The following ZDHHC21 variants were observed in gnomAD, a reference collection of about 807,000 sequenced individuals.
The protein encoded by ZDHHC21 is palmitoyltransferase ZDHHC21.
A neutral mutation model predicts 34.6 loss-of-function variants in ZDHHC21; 15 were observed. The observed-to-expected ratio is 0.43, with a 90% CI of 0.29 to 0.67. The LOEUF (loss-of-function observed/expected upper bound fraction) is 0.67. Ranked by LOEUF, ZDHHC21 falls within the 30% of genes least tolerant of loss-of-function variation. ZDHHC21 has a pLI of 0.14. For synonymous variants in ZDHHC21, 142 were observed against 101.8 expected (o/e 1.40, Z -2.38); for missense variants, 344 against 327.7 (o/e 1.05, Z -0.38).
Position 14,615,999 on chromosome 9 carries a change from T to C in ZDHHC21, c.*2967A>G, listed in dbSNP as rs1029670168. ...ACATAAGAAATTGTTACTAAAACTA[T>C]AGATATAACTCTGCGAAATGTAAAA... On this transcript the variant is annotated 3_prime_UTR_variant, in exon 10 of 10. Transcript: ENST00000380916. 1.3e-5 allele frequency: 2 copies of C among 151,536 alleles called. No individual in the cohort carries two copies. The highest frequency in any genetic ancestry group is 1.9e-4 in the East Asian group (1 of 5,166). 9.4% of individuals were successfully genotyped at this position (151,536 alleles called of 1,614,324 possible). A position where few individuals can be genotyped will look rare whatever the true frequency, so the allele number is the denominator to read the frequency against.
chr9:14,648,466 C>T (rs1030976270), intron 7 of ZDHHC21, among the ~76,000 whole-genome samples: 1 of 152,058 alleles, frequency 6.6e-6, no homozygotes, highest in Non-Finnish European at 1.5e-5. Flanking sequence ...ATTGCTCTGT[C>T]CCTAACTCAC....
intron 3 of ZDHHC21, 141 bp from the exon 4 acceptor site, chr9:14,674,526 A>T: frequency 2.0e-6 from 1 of 495,026 alleles, no homozygotes; most frequent in Non-Finnish European, 3.5e-6. Flanking sequence ...ATATTTATTG[A>T]TATTTCTTTG....
chr9:14,682,112 C>T (rs963128016), intron 2 of ZDHHC21, among the ~76,000 whole-genome samples: 1 of 152,128 alleles, frequency 6.6e-6, no homozygotes, highest in Non-Finnish European at 1.5e-5. Flanking sequence ...ACCACAGATG[C>T]TAGGAAGAAA....
At chr9:14,592,201 T>G in the ZDHHC21 span, among the ~76,000 whole-genome samples, 2 of 152,100 alleles carry the variant, frequency 1.3e-5, no homozygotes, top group African/African-American at 4.8e-5. Flanking sequence ...AAGCATATTT[T>G]ACTGGCTTAT....
intron 8 of ZDHHC21, among the ~76,000 whole-genome samples, chr9:14,632,429 C>A (rs1337069110): frequency 6.6e-6 from 1 of 151,892 alleles, no homozygotes; most frequent in African/African-American, 2.4e-5. Flanking sequence ...CTACTTCACA[C>A]AATGTACAAA....
At chr9:14,627,659 A>G (rs1159825073) in intron 8 of ZDHHC21, among the ~76,000 whole-genome samples, 1 of 152,182 alleles carries the variant, frequency 6.6e-6, no homozygotes, top group Non-Finnish European at 1.5e-5. Flanking sequence ...TAAAAATTAG[A>G]TAAACTGTCA....
intron 5 of ZDHHC21, among the ~76,000 whole-genome samples, chr9:14,671,460 T>C (rs893017539): frequency 2.0e-5 from 3 of 152,080 alleles, no homozygotes; most frequent in Non-Finnish European, 2.9e-5. Context: ...TGTCAGTAAG[T>C]CTCTCACAGA....
At chr9:14,648,148 C>A (rs1458898606) in intron 7 of ZDHHC21, among the ~76,000 whole-genome samples, 3 of 152,078 alleles carry the variant, frequency 2.0e-5, no homozygotes, top group Admixed American at 1.3e-4. Context: ...TATCTCACAG[C>A]CCACATTCAA....
chr9:14,607,075 C>T (rs1823035045), downstream of ZDHHC21, among the ~76,000 whole-genome samples: 2 of 94,444 alleles, frequency 2.1e-5, no homozygotes, highest in African/African-American at 9.9e-5. Flanking sequence ...AGCACTGTTA[C>T]TAATAGCAAA....
chr9:14,655,296 TC>T (rs35421808), intron 7 of ZDHHC21, among the ~76,000 whole-genome samples: 4,680 of 151,936 alleles, frequency 0.031, 237 homozygotes, highest in African/African-American at 0.11. Context: ...AATAAAAGCA[TC>T]TTCAGGGAAC....
intron 7 of ZDHHC21, among the ~76,000 whole-genome samples, chr9:14,658,527 G>A (rs1287894738): frequency 8.1e-6 from 1 of 123,118 alleles, no homozygotes; most frequent in Non-Finnish European, 1.6e-5. Flanking sequence ...TTGGAGTGCA[G>A]TGGCGCAATC....
chr9:14,643,614 T>C (rs367842024), intron 7 of ZDHHC21, among the ~76,000 whole-genome samples: 3 of 152,244 alleles, frequency 2.0e-5, no homozygotes, highest in Non-Finnish European at 4.4e-5. Flanking sequence ...GGCATTCTCC[T>C]ATATTATCTT....
At chr9:14,654,504 C>A (rs1312283567) in intron 7 of ZDHHC21, among the ~76,000 whole-genome samples, 1 of 151,634 alleles carries the variant, frequency 6.6e-6, no homozygotes. Context: ...GAAGACAGGG[C>A]CAAATATCTG....
chr9:14,656,446 G>C (rs138545603), intron 7 of ZDHHC21, among the ~76,000 whole-genome samples: 1 of 151,882 alleles, frequency 6.6e-6, no homozygotes, highest in Non-Finnish European at 1.5e-5. Context: ...TTCATTCATT[G>C]AGATAACATA....
At chr9:14,593,510 C>A in the ZDHHC21 span, 7 of 152,240 alleles carry the variant, frequency 4.6e-5, no homozygotes, top group Non-Finnish European at 8.8e-5. Flanking sequence ...ACACCCTACT[C>A]GGTGGTGGTG....
intron 3 of ZDHHC21, among the ~76,000 whole-genome samples, chr9:14,679,152 G>A (rs1172096433): frequency 6.6e-6 from 1 of 152,052 alleles, no homozygotes; most frequent in African/African-American, 2.4e-5. Context: ...TTACCTTTAA[G>A]AATCTGTAAA....
chr9:14,674,638 C>T (rs1176374768), intron 3 of ZDHHC21, among the ~76,000 whole-genome samples: 1 of 152,108 alleles, frequency 6.6e-6, no homozygotes, highest in East Asian at 1.9e-4. Flanking sequence ...TCACTATGAA[C>T]TGCTATCACA....
chr9:14,619,139 T>C (rs769695328), intron 9 of ZDHHC21, 41 bp from the exon 10 acceptor site: 2 of 1,566,590 alleles, frequency 1.3e-6, no homozygotes, highest in Non-Finnish European at 1.7e-6. Flanking sequence ...AGCACTCCCA[T>C]GGTGCACTTC....
Position 14,615,344 on chromosome 9 carries a change from G to A in ZDHHC21, c.*3622C>T, listed in dbSNP as rs1586853176. The stretch of plus-strand genomic sequence containing the variant: ...TTAGAGAAAAATGCCTCTATGCATT[G>A]GCAAAAACGCACTGATGTTAATCCT... On this transcript the variant is annotated 3_prime_UTR_variant, in exon 10 of 10. Transcript: ENST00000380916. 2.0e-5 allele frequency: 3 copies of A among 151,662 alleles called. No homozygotes were observed. The South Asian group carries it at 6.2e-4, about 31-fold the overall frequency. The allele number at this position is 151,662 out of a possible 1,614,324, so 9.4% of individuals were successfully genotyped here. A position where few individuals can be genotyped will look rare whatever the true frequency, so the allele number is the denominator to read the frequency against.
Sources: gnomAD v4.1 joint callset for allele counts (sites outside exome capture counted in the v4.1 genomes callset) on GRCh38, gnomAD v4.1.1 for gene constraint, MANE v1.5 for transcripts, NCBI Gene and HGNC (gene_info 2026-07-23, HGNC 2026-07-21) for gene names.